Variants in PRKX observed in about 807,000 individuals in gnomAD.
PRKX encodes protein kinase cAMP-dependent X-linked catalytic subunit, also known as cAMP-dependent protein kinase catalytic subunit PRKX.
Under a neutral mutation model 22.0 loss-of-function variants are expected in PRKX, and 12 were observed. The observed-to-expected ratio is 0.54, with a 90% CI of 0.35 to 0.88. The LOEUF (loss-of-function observed/expected upper bound fraction) is 0.88. Ranked by LOEUF, PRKX falls within the 40% of genes least tolerant of loss-of-function variation. The pLI is 0.01. For synonymous variants in PRKX, 134 were observed against 137.7 expected, an observed-to-expected ratio of 0.97 and a Z score of 0.19; for missense variants, 217 against 308.0, an observed-to-expected ratio of 0.70 and a Z score of 2.21.
At chrX:3,631,672 A>G (rs781597571) in intron 4 of PRKX, among the ~76,000 whole-genome samples, 40 of 111,986 alleles carry the variant, frequency 3.6e-4, no homozygotes, top group African/African-American at 1.2e-3. Flanking sequence ...CCCTAAATCC[A>G]ATGACAGGTG....
chrX:3,707,445 T>A (rs1603474972), intron 1 of PRKX, among the ~76,000 whole-genome samples: 1 of 110,766 alleles, frequency 9.0e-6, no homozygotes, highest in Non-Finnish European at 1.9e-5. Context: ...GCCGGGTCTG[T>A]TCTTTGGATG....
At chrX:3,675,152 T>C (rs73440521) in intron 1 of PRKX, among the ~76,000 whole-genome samples, 1,538 of 111,772 alleles carry the variant, frequency 0.014, 22 homozygotes, top group African/African-American at 0.047. Flanking sequence ...TGTATTTATA[T>C]AACATGCCTT....
intron 2 of PRKX, among the ~76,000 whole-genome samples, chrX:3,664,740 T>C (rs1426320220): frequency 8.9e-6 from 1 of 111,843 alleles, no homozygotes; most frequent in African/African-American, 3.3e-5. Flanking sequence ...ATAGTCTCAC[T>C]CAAAAGTAGG....
At chrX:3,695,995 T>C (rs1928435250) in intron 1 of PRKX, among the ~76,000 whole-genome samples, 1 of 111,358 alleles carries the variant, frequency 9.0e-6, no homozygotes, top group Admixed American at 9.6e-5. Context: ...ACCCTACTGG[T>C]GAAAGCTTGC....
chrX:3,617,368 G>A lies in PRKX; in HGVS notation c.874-1476C>T, dbSNP rs1926449850. On this transcript the variant is annotated intron_variant, in intron 6 of 8. Transcript: ENST00000262848. Reference sequence around the variant, plus strand: ...ATATAAAGTGTGTGTGAGGGGGGTGGGAGCAGTGGCTCACGTTTATATTCC... The same window carrying A: ...ATATAAAGTGTGTGTGAGGGGGGTGAGAGCAGTGGCTCACGTTTATATTCC... Among the ~76,000 whole-genome samples, 3 of 109,691 alleles carry A rather than the reference G, an allele frequency of 2.7e-5. No homozygotes were observed. The Admixed American group carries it at 3.0e-4, about 11-fold the overall frequency.
chrX:3,669,455 A>G (rs932712518), intron 2 of PRKX, among the ~76,000 whole-genome samples: 8 of 111,577 alleles, frequency 7.2e-5, no homozygotes, highest in Non-Finnish European at 3.8e-5. Context: ...ATCTTTAGAT[A>G]CTCGTCATAG....
At chrX:3,689,732 C>G (rs749354007) in intron 1 of PRKX, among the ~76,000 whole-genome samples, 6 of 111,852 alleles carry the variant, frequency 5.4e-5, no homozygotes, top group South Asian at 7.3e-4. Flanking sequence ...AATCCCAACA[C>G]TTTGGGAGGC....
intron 1 of PRKX, among the ~76,000 whole-genome samples, chrX:3,689,803 CT>C (rs1223931796): frequency 9.0e-6 from 1 of 111,257 alleles, no homozygotes. Flanking sequence ...CGGTGAAACC[CT>C]GTCTCCACTA....
intron 1 of PRKX, among the ~76,000 whole-genome samples, chrX:3,705,602 C>T (rs1022234367): frequency 3.6e-5 from 4 of 111,832 alleles, no homozygotes; most frequent in Admixed American, 1.9e-4. Flanking sequence ...ACAGGGAAAA[C>T]GAGGTCACAA....
intron 1 of PRKX, among the ~76,000 whole-genome samples, chrX:3,685,887 A>T (rs1928169201): frequency 9.0e-6 from 1 of 111,679 alleles, no homozygotes; most frequent in African/African-American, 3.3e-5. Context: ...CTCTACAAAA[A>T]ATTTAAAAAT....
chrX:3,659,156 T>G (rs1410704989), intron 2 of PRKX, among the ~76,000 whole-genome samples: 1 of 107,804 alleles, frequency 9.3e-6, no homozygotes, highest in African/African-American at 3.4e-5. Context: ...GAGGCTGAGG[T>G]GGGAAGATCA....
chrX:3,703,672 T>G (rs1346803317), intron 1 of PRKX, among the ~76,000 whole-genome samples: 4 of 94,299 alleles, frequency 4.2e-5, no homozygotes, highest in East Asian at 3.3e-4. Flanking sequence ...TTTGGTTGTT[T>G]TTTTTTTTTT....
chrX:3,675,005 CAG>C (rs1177172991), intron 1 of PRKX, among the ~76,000 whole-genome samples: 2 of 111,637 alleles, frequency 1.8e-5, no homozygotes, highest in African/African-American at 6.5e-5. Context: ...GAGAGGGAGA[CAG>C]AGAGAGCCAT....
In PRKX at chrX:3,640,926, G is replaced by A. The variant is rs937742678; in HGVS notation, c.719+926C>T. 3.6e-5 allele frequency among the ~76,000 whole-genome samples: 4 copies of A among 110,942 alleles called. No homozygotes were observed. The Admixed American group carries it at 3.8e-4, about 11-fold the overall frequency. On this transcript the variant is annotated intron_variant, in intron 4 of 8. Transcript: ENST00000262848. ...AGGTACTAAAAGACACTCCCACAAG[G>A]GCCATGACAGTTTACGAATGCCATG...
chrX:3,686,437 CT>C (rs1375626538), intron 1 of PRKX, among the ~76,000 whole-genome samples: 2 of 106,377 alleles, frequency 1.9e-5, no homozygotes, highest in African/African-American at 3.5e-5. Flanking sequence ...GGGTCTCACT[CT>C]GTTGCCCAGG....
intron 1 of PRKX, among the ~76,000 whole-genome samples, chrX:3,682,565 T>C (rs183460977): frequency 9.0e-6 from 1 of 111,408 alleles, no homozygotes; most frequent in African/African-American, 3.3e-5. Flanking sequence ...AGGTATATAT[T>C]AAGGTGAGGT....
intron 6 of PRKX, among the ~76,000 whole-genome samples, chrX:3,619,628 C>T (rs12390174): frequency 0.014 from 1,475 of 103,590 alleles, 11 homozygotes; most frequent in African/African-American, 0.04. Flanking sequence ...CAGGGATGCC[C>T]GGAGCCCCCA....
intron 3 of PRKX, among the ~76,000 whole-genome samples, chrX:3,642,598 C>A (rs946035828): frequency 2.7e-5 from 3 of 110,444 alleles, no homozygotes; most frequent in African/African-American, 9.9e-5. Flanking sequence ...CAAACCTGCA[C>A]GTGTACCCCT....
rs148463199 is a variant in PRKX at position 3,674,681 on chromosome X, G to A, written c.252C>T (p.Asp84=). 1.4e-5 allele frequency: 17 copies of A among 1,209,132 alleles called. No individual in the cohort carries two copies. The highest frequency in any genetic ancestry group is 2.2e-5 in the Admixed American group (1 of 45,618). Residue 84 remains aspartate (D), a synonymous_variant, in exon 2 of 9, where the codon GAC becomes GAT. Transcript: ENST00000262848. ...FFALKVMSIP[D]VIRLKQEQHV... is the part of the protein sequence containing the mutation. ...GTTGCTCCTGCTTTAGGCGGATGAC[G>A]TCGGGAATGCTCATCACCTTGAGGG...
Sources: allele counts gnomAD v4.1 joint callset (sites outside exome capture counted in the v4.1 genomes callset), GRCh38; gene constraint gnomAD v4.1.1; transcripts MANE v1.5; gene names NCBI Gene and HGNC (gene_info 2026-07-23, HGNC 2026-07-21).